Variants in CA10 observed in about 807,000 individuals in gnomAD.
The protein encoded by CA10 is carbonic anhydrase-related protein 10.
A neutral mutation model predicts 44.2 loss-of-function variants in CA10; 14 were observed. The ratio of observed to expected loss-of-function variants is 0.32; its 90% CI spans 0.21 to 0.50. The LOEUF (loss-of-function observed/expected upper bound fraction) is 0.50. Ranked by LOEUF, CA10 falls within the 20% of genes least tolerant of loss-of-function variation. The probability of loss-of-function intolerance (pLI) is 0.99; values close to 1 mark genes in which losing one functional copy is unlikely to be tolerated. For synonymous variants in CA10, 159 were observed against 141.6 expected (o/e 1.12, Z -0.87); for missense variants, 350 against 409.7 (o/e 0.85, Z 1.26).
chr17:51,926,628 G>A (rs1007369039), intron 3 of CA10, among the ~76,000 whole-genome samples: 2 of 152,170 alleles, frequency 1.3e-5, no homozygotes, highest in East Asian at 3.9e-4. Context: ...AGCTTCCAGA[G>A]GCCTCCTTGG....
chr17:51,633,702 G>A (rs1912698526), intron 7 of CA10, 52 bp from the exon 8 acceptor site: 9 of 1,582,700 alleles, frequency 5.7e-6, no homozygotes, highest in African/African-American at 1.3e-5. Flanking sequence ...AAATGCACTA[G>A]GGAAGAAATA....
intron 4 of CA10, among the ~76,000 whole-genome samples, chr17:51,722,953 C>T (rs1916394442): frequency 6.6e-6 from 1 of 152,182 alleles, no homozygotes; most frequent in African/African-American, 2.4e-5. Flanking sequence ...TGCAGATTTT[C>T]TTCATAGCAA....
intron 3 of CA10, among the ~76,000 whole-genome samples, chr17:51,757,120 T>C (rs1905099448): frequency 6.6e-6 from 1 of 152,192 alleles, no homozygotes; most frequent in Non-Finnish European, 1.5e-5. Context: ...TAATAGGCTT[T>C]CTTTGCAATG....
rs745923351 is a variant in CA10 at position 51,630,872 on chromosome 17, G to A, written c.*712C>T. 2 of 152,626 alleles carry A rather than the reference G, an allele frequency of 1.3e-5. No individual in the cohort carries two copies. Among genetic ancestry groups the A allele is most frequent in the Non-Finnish European group, 2.9e-5 (2 of 68,042 alleles). The allele number at this position is 152,626 out of a possible 1,614,324, so 9.5% of individuals were successfully genotyped here. On this transcript the variant is annotated 3_prime_UTR_variant, in exon 9 of 9. Transcript: ENST00000451037. ...CAGCAAATGGATCATTTCTGATCTT[G>A]GCAAATCCTACTACAGATATGTGAC...
At chr17:52,008,645 TCTTTTA>T (rs1257774588) in intron 2 of CA10, among the ~76,000 whole-genome samples, 1 of 151,722 alleles carries the variant, frequency 6.6e-6, no homozygotes, top group African/African-American at 2.4e-5. Flanking sequence ...CCAGTATCTT[TCTTTTA>T]CTTAGGAAAC....
At chr17:51,906,660 A>G (rs552585645) in intron 3 of CA10, among the ~76,000 whole-genome samples, 2 of 152,060 alleles carry the variant, frequency 1.3e-5, no homozygotes, top group South Asian at 2.1e-4. Context: ...CCTATTTGAC[A>G]TTTCTATTTG....
intron 3 of CA10, among the ~76,000 whole-genome samples, chr17:51,858,733 A>T (rs1979165198): frequency 6.6e-6 from 1 of 152,232 alleles, no homozygotes; most frequent in Non-Finnish European, 1.5e-5. Context: ...TGTTATGGCT[A>T]GCACATTTGT....
chr17:51,905,527 T>A (rs1981509573), intron 3 of CA10, among the ~76,000 whole-genome samples: 1 of 77,910 alleles, frequency 1.3e-5, no homozygotes, highest in Non-Finnish European at 2.1e-5. Context: ...CTATCAGTCC[T>A]TTTTTTTTTT....
chr17:51,983,222 T>G (rs907110585), intron 2 of CA10, among the ~76,000 whole-genome samples: 1 of 151,880 alleles, frequency 6.6e-6, no homozygotes, highest in African/African-American at 2.4e-5. Context: ...CTGTCAGCTT[T>G]CTTCACATCA....
chr17:51,864,586 G>A (rs906056179), intron 3 of CA10, among the ~76,000 whole-genome samples: 8 of 152,054 alleles, frequency 5.3e-5, no homozygotes, highest in Non-Finnish European at 1.2e-4. Flanking sequence ...CCCTGCTTTT[G>A]CCTTTCACAC....
chr17:51,934,174 GAATT>G (rs1982774751), intron 2 of CA10, among the ~76,000 whole-genome samples: 1 of 152,082 alleles, frequency 6.6e-6, no homozygotes, highest in African/African-American at 2.4e-5. Context: ...AATCAGCTAT[GAATT>G]AATAGCTTTT....
chr17:51,729,868 A>C (rs1916656046), intron 4 of CA10, among the ~76,000 whole-genome samples: 1 of 152,270 alleles, frequency 6.6e-6, no homozygotes. Context: ...AAAGGGAAAT[A>C]AGTCTTGAAT....
intron 4 of CA10, among the ~76,000 whole-genome samples, chr17:51,714,064 C>G (rs1916022404): frequency 6.6e-6 from 1 of 152,144 alleles, no homozygotes; most frequent in African/African-American, 2.4e-5. Context: ...GAGAGAAAGG[C>G]CAGTCTCTCT....
chr17:51,765,707 GTGTGTGTGTGTGTGTGTA>G (rs11269481), intron 3 of CA10, among the ~76,000 whole-genome samples: 2,082 of 149,784 alleles, frequency 0.014, 57 homozygotes, highest in African/African-American at 0.049. Context: ...GTGTGTGTGT[GTGTGTGTGTGTGTGTGTA>G]TGTGTGTGTG....
rs1026439618 is a variant in CA10 at position 51,924,194 on chromosome 17, G to A, written c.279+6796C>T. On this transcript the variant is annotated intron_variant, in intron 3 of 8. Coordinates refer to ENST00000451037, the MANE Select transcript of CA10 (RefSeq NM_020178.5). The stretch of plus-strand genomic sequence containing the variant: ...CCACAGAGGTTAAAAGCAGGGGTTC[G>A]GACTCCTTAGGCAAGTGGGGTGAAG... Among the ~76,000 whole-genome samples, 27 of 152,132 alleles carry A rather than the reference G, an allele frequency of 1.8e-4. 1 individual carries two copies. Among genetic ancestry groups the A allele is most frequent in the Non-Finnish European group, 3.4e-4 (23 of 68,024 alleles).
At chr17:51,790,639 G>A (rs1906483619) in intron 3 of CA10, among the ~76,000 whole-genome samples, 1 of 152,132 alleles carries the variant, frequency 6.6e-6, no homozygotes, top group Admixed American at 6.5e-5. Context: ...TTTACACTGG[G>A]AAAAACAATG....
At chr17:51,727,563 T>A (rs945616909) in intron 4 of CA10, among the ~76,000 whole-genome samples, 5 of 152,212 alleles carry the variant, frequency 3.3e-5, no homozygotes, top group African/African-American at 9.6e-5. Context: ...TTTACAGCTA[T>A]GCCTCAGGAA....
chr17:51,991,036 G>A (rs1501250), intron 2 of CA10, among the ~76,000 whole-genome samples: 5 of 152,086 alleles, frequency 3.3e-5, no homozygotes, highest in Non-Finnish European at 7.4e-5. Context: ...AAGTTACTCA[G>A]GCTCTCTGAA....
At chr17:52,154,786 CAT>C (rs1989770806) in intron 1 of CA10, among the ~76,000 whole-genome samples, 1 of 152,208 alleles carries the variant, frequency 6.6e-6, no homozygotes, top group South Asian at 2.1e-4. Context: ...AAATAAAAGA[CAT>C]ACATGCTACT....
Sources: gnomAD v4.1 joint callset for allele counts (sites outside exome capture counted in the v4.1 genomes callset) on GRCh38, gnomAD v4.1.1 for gene constraint, MANE v1.5 for transcripts, NCBI Gene and HGNC (gene_info 2026-07-23, HGNC 2026-07-21) for gene names.